Variants in GABRG3 observed in about 807,000 individuals in gnomAD.
GABRG3 encodes the protein gamma-aminobutyric acid type A receptor subunit gamma3, also known as gamma-aminobutyric acid receptor subunit gamma-3.
GABRG3 carries 25 observed loss-of-function variants against 48.8 expected under a neutral mutation model. The ratio of observed to expected loss-of-function variants is 0.51; its 90% CI spans 0.37 to 0.72. The LOEUF (loss-of-function observed/expected upper bound fraction) is 0.72. Ranked by LOEUF, GABRG3 falls within the 30% of genes least tolerant of loss-of-function variation. The pLI is 0.00. For synonymous variants in GABRG3, 227 were observed against 217.6 expected, an observed-to-expected ratio of 1.04 and a Z score of -0.38; for missense variants, 394 against 577.9, an observed-to-expected ratio of 0.68 and a Z score of 3.26.
rs151308633 is a variant in GABRG3, at chr15:27,507,125, T to C, written c.713-12847T>C. Among the ~76,000 whole-genome samples, 144 of 152,314 alleles carry C rather than the reference T, an allele frequency of 9.5e-4. 1 individual carries two copies. The highest frequency in any genetic ancestry group is 2.8e-3 in the African/African-American group (117 of 41,560). Reference sequence around the variant, plus strand: ...TTTAATTGTAAAATATTTGGAAAACTTCTAGTTATCTTTCTGTTACTTATT... The same window carrying C: ...TTTAATTGTAAAATATTTGGAAAACCTCTAGTTATCTTTCTGTTACTTATT... On this transcript the variant is annotated intron_variant, in intron 6 of 9. Transcript: ENST00000615808.
chr15:27,063,575 G>A (rs151158677), intron 3 of GABRG3, among the ~76,000 whole-genome samples: 2 of 152,354 alleles, frequency 1.3e-5, no homozygotes, highest in East Asian at 3.9e-4. Context: ...CTGAAAGGAA[G>A]CTTCCTGAGG....
chr15:27,061,372 C>T (rs868362114), intron 3 of GABRG3, among the ~76,000 whole-genome samples: 7 of 151,952 alleles, frequency 4.6e-5, no homozygotes, highest in Admixed American at 4.6e-4. Flanking sequence ...GGGTTCTGAA[C>T]GCTGGCCATC....
At position 27,040,029 on chromosome 15, in the gene GABRG3, C is replaced by G. The variant is rs187624771; in HGVS notation, c.270+13208C>G. On this transcript the variant is annotated intron_variant, in intron 3 of 9. Coordinates refer to ENST00000615808, the MANE Select transcript of GABRG3 (RefSeq NM_033223.5). ...CTTGGTTCTCCTTTCCTTACCTTCC[C>G]CAAGTCTCCATTGGCCTGGGCCGCT... 6.3e-3 allele frequency among the ~76,000 whole-genome samples: 962 copies of G among 152,358 alleles called. 6 individuals are homozygous for G. Among genetic ancestry groups the G allele is most frequent in the Non-Finnish European group, 0.011 (726 of 68,032 alleles).
rs76744887 is a variant in GABRG3, at chr15:27,058,823, C to T, written c.270+32002C>T. On this transcript the variant is annotated intron_variant, in intron 3 of 9. Transcript: ENST00000615808. The stretch of plus-strand genomic sequence containing the variant: ...CACTGTCTATAAAACTATGCCATAT[C>T]GTATAAAGTAAAATTGCTTCTTAAC... Among the ~76,000 whole-genome samples, 1,669 of 152,178 alleles carry T rather than the reference C, an allele frequency of 0.011. 98 individuals are homozygous for T. In the East Asian group the frequency reaches 0.17, roughly 15 times the overall value.
At chr15:27,507,934 C>T (rs1265161336) in intron 6 of GABRG3, among the ~76,000 whole-genome samples, 1 of 152,138 alleles carries the variant, frequency 6.6e-6, no homozygotes, top group East Asian at 1.9e-4. Flanking sequence ...CTAAAAATAA[C>T]CTTTGTTCTG....
intron 3 of GABRG3, among the ~76,000 whole-genome samples, chr15:27,144,215 A>G (rs919288206): frequency 6.6e-6 from 1 of 150,724 alleles, no homozygotes; most frequent in Admixed American, 6.6e-5. Context: ...TGGGAAGAAC[A>G]CTGACTGTGT....
intron 2 of GABRG3, among the ~76,000 whole-genome samples, chr15:27,008,546 G>A (rs1895628761): frequency 6.6e-6 from 1 of 152,176 alleles, no homozygotes; most frequent in Non-Finnish European, 1.5e-5. Context: ...GAAGTTGGCA[G>A]GCCTGTGTGG....
At chr15:27,063,489 GTTGT>G (rs895984519) in intron 3 of GABRG3, among the ~76,000 whole-genome samples, 3 of 152,208 alleles carry the variant, frequency 2.0e-5, no homozygotes, top group Non-Finnish European at 4.4e-5. Context: ...ACCAGATCTG[GTTGT>G]TTAAGATTGT....
intron 3 of GABRG3, among the ~76,000 whole-genome samples, chr15:27,048,821 C>A (rs895243549): frequency 4.6e-5 from 7 of 152,126 alleles, no homozygotes; most frequent in Non-Finnish European, 1.0e-4. Flanking sequence ...GGCACCAGGC[C>A]CTGGTTCTCC....
intron 5 of GABRG3, among the ~76,000 whole-genome samples, chr15:27,469,645 G>A (rs1484985398): frequency 6.6e-6 from 1 of 152,086 alleles, no homozygotes; most frequent in Non-Finnish European, 1.5e-5. Flanking sequence ...CTGGCCTCAA[G>A]TCTCTTTTAA....
chr15:27,146,041 A>G (rs1046272379), intron 3 of GABRG3, among the ~76,000 whole-genome samples: 1 of 152,324 alleles, frequency 6.6e-6, no homozygotes, highest in Non-Finnish European at 1.5e-5. Flanking sequence ...GAAGTTAGAC[A>G]TCCCAAATAA....
chr15:26,980,995 T>C (rs984358369), intron 2 of GABRG3, among the ~76,000 whole-genome samples: 64 of 152,296 alleles, frequency 4.2e-4, no homozygotes, highest in African/African-American at 1.4e-3. Flanking sequence ...ACCTGGGTGA[T>C]GAAATAATCT....
chr15:27,514,674 G>A (rs190025587), intron 6 of GABRG3, among the ~76,000 whole-genome samples: 28 of 152,302 alleles, frequency 1.8e-4, no homozygotes, highest in African/African-American at 6.5e-4. Flanking sequence ...CCACACTCAC[G>A]AGGAAGGAAC....
chr15:27,398,463 G>A (rs1217297858), intron 5 of GABRG3, among the ~76,000 whole-genome samples: 1 of 152,158 alleles, frequency 6.6e-6, no homozygotes, highest in African/African-American at 2.4e-5. Flanking sequence ...GTTTTTGTGT[G>A]TGCATGTGTG....
chr15:27,192,466 T>A (rs1227414336), intron 3 of GABRG3, among the ~76,000 whole-genome samples: 5 of 152,232 alleles, frequency 3.3e-5, no homozygotes, highest in Non-Finnish European at 4.4e-5. Flanking sequence ...TCGCTTCATT[T>A]CATTCATTTC....
chr15:27,023,580 T>A (rs1031017846), intron 2 of GABRG3, among the ~76,000 whole-genome samples: 1 of 152,246 alleles, frequency 6.6e-6, no homozygotes, highest in Non-Finnish European at 1.5e-5. Context: ...TTTGTGACTA[T>A]CTTATTTCAC....
chr15:27,141,030 C>T (rs1290879402), intron 3 of GABRG3, among the ~76,000 whole-genome samples: 1 of 152,080 alleles, frequency 6.6e-6, no homozygotes, highest in African/African-American at 2.4e-5. Flanking sequence ...TATTGTTGTT[C>T]TGTGGTTCCC....
chr15:27,262,467 C>T (rs999779351), intron 3 of GABRG3, among the ~76,000 whole-genome samples: 3 of 152,200 alleles, frequency 2.0e-5, no homozygotes, highest in Non-Finnish European at 4.4e-5. Flanking sequence ...TCTCAGGACC[C>T]AGTTCTGCAG....
intron 3 of GABRG3, among the ~76,000 whole-genome samples, chr15:27,246,870 A>G (rs1374773883): frequency 6.6e-6 from 1 of 152,234 alleles, no homozygotes; most frequent in Non-Finnish European, 1.5e-5. Context: ...GAACACGTTA[A>G]GTAGCGTTGT....
Sources: allele counts gnomAD v4.1 joint callset (sites outside exome capture counted in the v4.1 genomes callset), GRCh38; gene constraint gnomAD v4.1.1; transcripts MANE v1.5; gene names NCBI Gene and HGNC (gene_info 2026-07-23, HGNC 2026-07-21).